Variants in UBN2 observed in about 807,000 individuals in gnomAD.
The protein encoded by UBN2 is ubinuclein-2.
In UBN2, 35 loss-of-function variants were observed where a neutral mutation model predicts 120.2. The observed-to-expected ratio is 0.29, with a 90% CI of 0.22 to 0.39. UBN2 has a LOEUF of 0.39. UBN2 is among the 10% of genes least tolerant of loss of function. The pLI, the probability that UBN2 is intolerant of heterozygous loss-of-function variation, is 1.00. For synonymous variants in UBN2, 661 were observed against 648.7 expected (o/e 1.02, Z -0.29); for missense variants, 1,693 against 1,663.2 (o/e 1.02, Z -0.31).
intron 2 of UBN2, among the ~76,000 whole-genome samples, chr7:139,244,071 T>C (rs1241416338): frequency 6.6e-6 from 1 of 152,168 alleles, no homozygotes; most frequent in Non-Finnish European, 1.5e-5. Context: ...GTAAATCTCC[T>C]TCCTACCCCT....
rs192419081 is a variant in UBN2, at chr7:139,303,327, T to C, written c.*5491T>C. 6.6e-6 allele frequency: 1 copy of C among 152,312 alleles called. No homozygotes were observed. Among genetic ancestry groups the C allele is most frequent in the Admixed American group, 6.5e-5 (1 of 15,302 alleles). The allele number at this position is 152,312 out of a possible 1,614,324, so 9.4% of individuals were successfully genotyped here. A position where few individuals can be genotyped will look rare whatever the true frequency, so the allele number is the denominator to read the frequency against. ...TTGTTGAAAACAAATAGATGTGACATGTTAAGGGAGACCAAGTTGAACCAT... is the reference window on the plus strand; with the variant it reads ...TTGTTGAAAACAAATAGATGTGACACGTTAAGGGAGACCAAGTTGAACCAT... On this transcript the variant is annotated 3_prime_UTR_variant, in exon 18 of 18. Transcript: ENST00000473989.
At chr7:139,235,521 C>G (rs905110215) in intron 1 of UBN2, among the ~76,000 whole-genome samples, 2 of 152,214 alleles carry the variant, frequency 1.3e-5, no homozygotes, top group Non-Finnish European at 2.9e-5. Flanking sequence ...ATTCTCCTGT[C>G]TCAGCCTCCC....
chr7:139,258,805 A>G (rs1006042251), intron 4 of UBN2, among the ~76,000 whole-genome samples, 180 bp downstream of exon 4: 3 of 152,202 alleles, frequency 2.0e-5, no homozygotes, highest in African/African-American at 7.2e-5. Flanking sequence ...TGGTATTTAC[A>G]TCATAGAATT....
chr7:139,266,226 C>CAAAAAAAAAAAAAAAAAA (rs377760158), intron 6 of UBN2, 107 bp from the exon 7 acceptor site: 1 of 312,426 alleles, frequency 3.2e-6, no homozygotes, highest in African/African-American at 4.9e-5. Context: ...GGCCCTATCT[C>CAAAAAAAAAAAAAAAAAA]AAAAAAAAAA....
At chr7:139,291,723 G>A (rs748273029) in intron 15 of UBN2, among the ~76,000 whole-genome samples, 1 of 151,836 alleles carries the variant, frequency 6.6e-6, no homozygotes, top group African/African-American at 2.4e-5. Context: ...GGTGGCACAC[G>A]CCTGTCTGTA....
chr7:139,280,481 A>T (rs569656746), intron 13 of UBN2, among the ~76,000 whole-genome samples: 8 of 152,114 alleles, frequency 5.3e-5, no homozygotes, highest in Non-Finnish European at 1.2e-4. Flanking sequence ...TTTGCTCCAT[A>T]GCCTTTGTCT....
At position 139,231,681 on chromosome 7, in the gene UBN2, C is replaced by A; in HGVS notation, c.197C>A (p.Pro66Gln). The change falls in exon 1 of 18, where the codon CCG becomes CAG. Residue 66 changes from proline (P) to glutamine (Q), a missense_variant. Pro to Gln is a moderately conservative substitution (Grantham distance 76). Coordinates refer to ENST00000473989, the MANE Select transcript of UBN2 (RefSeq NM_173569.4). ...EPAPRSDAQPPSREKPLPQRE... is the reference protein window; with the variant it reads ...EPAPRSDAQPQSREKPLPQRE... The stretch of plus-strand genomic sequence containing the variant: ...GCCCCCCGCTCGGACGCGCAGCCCC[C>A]GTCGCGGGAGAAGCCGCTCCCCCAG... 2.5e-6 allele frequency: 3 copies of A among 1,183,892 alleles called. No individual in the cohort carries two copies. The highest frequency in any genetic ancestry group is 2.1e-6 in the Non-Finnish European group (2 of 960,050). 73.3% of individuals were successfully genotyped at this position (1,183,892 alleles called of 1,614,324 possible).
At chr7:139,235,033 C>T (rs1796126885) in intron 1 of UBN2, among the ~76,000 whole-genome samples, 1 of 151,880 alleles carries the variant, frequency 6.6e-6, no homozygotes, top group Admixed American at 6.6e-5. Context: ...AAAAGTGAGT[C>T]CATTTTCTTA....
chr7:139,293,167 A>G, intron 15 of UBN2, 65 bp from the exon 16 acceptor site: 1 of 1,335,836 alleles, frequency 7.5e-7, no homozygotes, highest in African/African-American at 1.4e-5. Context: ...TGAGGATATT[A>G]TAGAAAATAA....
chr7:139,277,009 G>A (rs1210949803), intron 12 of UBN2: 1 of 152,040 alleles, frequency 6.6e-6, no homozygotes, highest in Non-Finnish European at 1.5e-5. Context: ...GTTGTAGTAA[G>A]TGGAGATCAT....
chr7:139,313,742 TTAAGAAAG>T, the UBN2 span, among the ~76,000 whole-genome samples: 2 of 152,204 alleles, frequency 1.3e-5, no homozygotes, highest in Non-Finnish European at 2.9e-5. Flanking sequence ...TTTTATGAAC[TTAAGAAAG>T]TTCTATTCCT....
At chr7:139,287,819 G>T (rs1481394368) in intron 15 of UBN2, among the ~76,000 whole-genome samples, 1 of 151,862 alleles carries the variant, frequency 6.6e-6, no homozygotes, top group East Asian at 1.9e-4. Flanking sequence ...GTGGCCTCTA[G>T]AACCTGTCTA....
At position 139,231,402 on chromosome 7, in the gene UBN2, C is replaced by A; in HGVS notation, c.-83C>A. 8.8e-7 allele frequency: 1 copy of A among 1,135,548 alleles called. No homozygotes were observed. The highest frequency in any genetic ancestry group is 1.1e-6 in the Non-Finnish European group (1 of 891,326). The allele number at this position is 1,135,548 out of a possible 1,614,324, so 70.3% of individuals were successfully genotyped here. On this transcript the variant is annotated 5_prime_UTR_variant, in exon 1 of 18. Transcript: ENST00000473989. ...TGGAGGGAAGAAAAGCGACAGAGAG[C>A]AAGAGGAAGGGCGGGCAGGCACGCA...
chr7:139,264,530 G>A (rs1459343987), intron 6 of UBN2, among the ~76,000 whole-genome samples: 1 of 152,032 alleles, frequency 6.6e-6, no homozygotes, highest in Non-Finnish European at 1.5e-5. Context: ...TCAATGTGGG[G>A]GTTGATCACA....
chr7:139,320,718 A>G, the UBN2 span, among the ~76,000 whole-genome samples: 9 of 147,028 alleles, frequency 6.1e-5, no homozygotes, highest in African/African-American at 2.0e-4. Flanking sequence ...TTAGCCAGAC[A>G]TGGTAGCGGG....
the UBN2 span, among the ~76,000 whole-genome samples, chr7:139,313,849 ATTTT>A: frequency 7.0e-6 from 1 of 143,498 alleles, no homozygotes. Flanking sequence ...CAATGACAGA[ATTTT>A]TTTTTTTTTT....
At chr7:139,278,512 A>G (rs1160814523) in intron 12 of UBN2, among the ~76,000 whole-genome samples, 1 of 152,008 alleles carries the variant, frequency 6.6e-6, no homozygotes, top group African/African-American at 2.4e-5. Context: ...CTTCATTATT[A>G]TCATTAACTT....
rs751934498 is a variant in UBN2, at chr7:139,266,725, G to A, written c.1466+322G>A. On this transcript the variant is annotated intron_variant, in intron 7 of 17. Transcript: ENST00000473989. ...GTATCTTTCTGGGAAATGTTAGAGC[G>A]TTTATATACAGATTTGGCATGATTT... Among the ~76,000 whole-genome samples the A allele has an allele frequency of 4.6e-5, 7 of 152,226 alleles. No individual in the cohort carries two copies. In the South Asian group the frequency reaches 1.0e-3, roughly 23 times the overall value.
At chr7:139,273,775 A>C (rs1467895408) in intron 10 of UBN2, among the ~76,000 whole-genome samples, 156 bp from the exon 11 acceptor site, 1 of 152,246 alleles carries the variant, frequency 6.6e-6, no homozygotes, top group Non-Finnish European at 1.5e-5. Context: ...ATATCAAAGG[A>C]AATTGTTTCA....
Sources: gnomAD v4.1 joint callset for allele counts (sites outside exome capture counted in the v4.1 genomes callset) on GRCh38, gnomAD v4.1.1 for gene constraint, MANE v1.5 for transcripts, NCBI Gene and HGNC (gene_info 2026-07-23, HGNC 2026-07-21) for gene names.